TBL1X: variants seen among roughly 807,000 people sequenced by gnomAD.
The protein encoded by TBL1X is F-box-like/WD repeat-containing protein TBL1X.
Under a neutral mutation model 50.7 loss-of-function variants are expected in TBL1X, and 10 were observed. That is an observed-to-expected ratio of 0.20 (90% CI 0.12 to 0.33). The LOEUF (loss-of-function observed/expected upper bound fraction) is 0.33. Ranked by LOEUF, TBL1X falls within the 10% of genes least tolerant of loss-of-function variation. The pLI is 1.00. For synonymous variants in TBL1X, 190 were observed against 214.7 expected (o/e 0.88, Z 1.01); for missense variants, 340 against 504.4 (o/e 0.67, Z 3.12).
At chrX:9,715,491 T>A (rs1484303045) in intron 17 of TBL1X, among the ~76,000 whole-genome samples, 4 of 111,934 alleles carry the variant, frequency 3.6e-5, no homozygotes, top group African/African-American at 1.3e-4. Context: ...TACTGATTCC[T>A]GTAGGCAACC....
At chrX:9,514,917 C>T (rs1035958820) in intron 2 of TBL1X, among the ~76,000 whole-genome samples, 3 of 111,925 alleles carry the variant, frequency 2.7e-5, no homozygotes, top group East Asian at 2.8e-4. Flanking sequence ...CGAGCCAGGG[C>T]GAACAACCTG....
chrX:9,523,271 A>G (rs999756199), intron 2 of TBL1X, among the ~76,000 whole-genome samples: 4 of 110,668 alleles, frequency 3.6e-5, no homozygotes, highest in Non-Finnish European at 7.6e-5. Flanking sequence ...TGAAAGAAGC[A>G]CTCTTCCCAG....
intron 2 of TBL1X, among the ~76,000 whole-genome samples, chrX:9,510,353 C>T (rs766890881): frequency 4.5e-5 from 5 of 112,176 alleles, no homozygotes; most frequent in East Asian, 2.8e-4. Flanking sequence ...GTGTGTGGAA[C>T]GCCTTGGACA....
At chrX:9,496,936 C>T (rs1462503362) in intron 1 of TBL1X, among the ~76,000 whole-genome samples, 1 of 111,927 alleles carries the variant, frequency 8.9e-6, no homozygotes, top group African/African-American at 3.3e-5. Context: ...TTTGAGAGTG[C>T]TGAAAACTCA....
At chrX:9,600,997 C>T (rs867067207) in intron 2 of TBL1X, among the ~76,000 whole-genome samples, 1 of 111,941 alleles carries the variant, frequency 8.9e-6, no homozygotes, top group Middle Eastern at 4.6e-3. Flanking sequence ...TACAGGTGCT[C>T]TGGGGACCAC....
intron 2 of TBL1X, among the ~76,000 whole-genome samples, chrX:9,558,540 A>AT (rs1286591748): frequency 8.2e-4 from 85 of 104,078 alleles, no homozygotes; most frequent in East Asian, 1.2e-3. Flanking sequence ...AAGGAAAAAA[A>AT]AATATATATA....
chrX:9,652,569 A>AG (rs1191795130), intron 3 of TBL1X, among the ~76,000 whole-genome samples: 1 of 112,861 alleles, frequency 8.9e-6, no homozygotes, highest in Non-Finnish European at 1.9e-5. Flanking sequence ...AAAGATGTTT[A>AG]GTGCTGGCCG....
At chrX:9,545,190 A>G (rs1301988147) in intron 2 of TBL1X, among the ~76,000 whole-genome samples, 3 of 109,014 alleles carry the variant, frequency 2.8e-5, no homozygotes, top group Non-Finnish European at 5.7e-5. Context: ...TATTTTTAGT[A>G]GAGATGGGGT....
rs542652093 is a variant in TBL1X, at chrX:9,652,046, C to T, written c.-42-1499C>T. Reference sequence around the variant, plus strand: ...GCTCAGCGTCCCACAAGGCTTGGTCCGGGTGTCAGCCAGGCTGCGCTCTCC... The same window carrying T: ...GCTCAGCGTCCCACAAGGCTTGGTCTGGGTGTCAGCCAGGCTGCGCTCTCC... On this transcript the variant is annotated intron_variant, in intron 3 of 17. Transcript: ENST00000645353. 1.5e-4 allele frequency among the ~76,000 whole-genome samples: 17 copies of T among 112,041 alleles called. No individual in the cohort carries two copies. The South Asian group carries it at 4.8e-3, about 32-fold the overall frequency.
At chrX:9,491,339 T>TA (rs1491249258) in intron 1 of TBL1X, among the ~76,000 whole-genome samples, 713 of 18,767 alleles carry the variant, frequency 0.038, 2 homozygotes, top group East Asian at 0.057. Context: ...TATATATATA[T>TA]TTTTTTTTTT....
intron 2 of TBL1X, among the ~76,000 whole-genome samples, chrX:9,526,315 G>A (rs1364289505): frequency 3.6e-5 from 4 of 111,844 alleles, no homozygotes; most frequent in East Asian, 5.6e-4. Context: ...AAATTTGCCT[G>A]TTACCTAAAT....
chrX:9,467,764 C>G (rs1322971284), intron 1 of TBL1X, among the ~76,000 whole-genome samples: 1 of 111,807 alleles, frequency 8.9e-6, no homozygotes, highest in Non-Finnish European at 1.9e-5. Context: ...ATGGACCATG[C>G]TGGCCAGACT....
Position 9,491,306 on chromosome X carries a change from TTA to T in TBL1X, c.-200-10442_-200-10441del, listed in dbSNP as rs757466880. On this transcript the variant is annotated intron_variant, in intron 1 of 17. Transcript: ENST00000645353. ...GCATCACCGCACTTGGCCAGTATAT[TTA>T]TATATATATATATATATATATATAT... Among the ~76,000 whole-genome samples, 355 of 51,829 alleles carry T rather than the reference TTA, an allele frequency of 6.8e-3. 1 individual carries two copies. The highest frequency in any genetic ancestry group is 0.013 in the African/African-American group (168 of 12,781). 45.0% of individuals were successfully genotyped at this position (51,829 alleles called of 115,157 possible).
chrX:9,583,221 G>T (rs913807046), intron 2 of TBL1X, among the ~76,000 whole-genome samples: 1 of 112,446 alleles, frequency 8.9e-6, no homozygotes, highest in Admixed American at 9.4e-5. Flanking sequence ...GCCTGCAGGT[G>T]CCCCTTGGCC....
intron 2 of TBL1X, among the ~76,000 whole-genome samples, chrX:9,604,127 C>T (rs2082570508): frequency 8.9e-6 from 1 of 112,090 alleles, no homozygotes; most frequent in Non-Finnish European, 1.9e-5. Flanking sequence ...CCATCCCACT[C>T]CACCCTTCTC....
intron 2 of TBL1X, among the ~76,000 whole-genome samples, chrX:9,505,878 C>G (rs1350738794): frequency 8.9e-6 from 1 of 112,059 alleles, no homozygotes; most frequent in Non-Finnish European, 1.9e-5. Flanking sequence ...ACCCCACTGT[C>G]AGTATTAGGT....
chrX:9,490,738 C>T (rs1162323850), intron 1 of TBL1X, among the ~76,000 whole-genome samples: 1 of 111,798 alleles, frequency 8.9e-6, no homozygotes, highest in Non-Finnish European at 1.9e-5. Context: ...AGATCTATTA[C>T]TTCTGTAATT....
intron 1 of TBL1X, among the ~76,000 whole-genome samples, chrX:9,466,071 G>C (rs1200333100): frequency 1.8e-5 from 2 of 112,470 alleles, no homozygotes; most frequent in Non-Finnish European, 3.8e-5. Flanking sequence ...CATCTCCCCG[G>C]CCTGAGCGCA....
intron 5 of TBL1X, among the ~76,000 whole-genome samples, chrX:9,672,121 T>C (rs1005187656): frequency 7.1e-5 from 8 of 112,556 alleles, no homozygotes; most frequent in African/African-American, 2.6e-4. Flanking sequence ...AAATTCTCCA[T>C]TGGTATTGAC....
Sources: allele counts gnomAD v4.1 joint callset (sites outside exome capture counted in the v4.1 genomes callset), GRCh38; gene constraint gnomAD v4.1.1; transcripts MANE v1.5; gene names NCBI Gene and HGNC (gene_info 2026-07-23, HGNC 2026-07-21).